RASSF3: variants seen among roughly 807,000 people sequenced by gnomAD.
RASSF3 encodes the protein Ras association domain family member 3.
A neutral mutation model predicts 19.9 loss-of-function variants in RASSF3; 19 were observed. The ratio of observed to expected loss-of-function variants is 0.96; its 90% confidence interval spans 0.67 to 1.40. The LOEUF (loss-of-function observed/expected upper bound fraction) is 1.40. Ranked by LOEUF, RASSF3 falls within the 40% of genes most tolerant of loss-of-function variation. The pLI, the probability that RASSF3 is intolerant of heterozygous loss-of-function variation, is 0.00. For missense variants in RASSF3, 306 were observed against 289.8 expected, an observed-to-expected ratio of 1.06 and a Z score of -0.41; for synonymous variants, 110 against 104.2, an observed-to-expected ratio of 1.06 and a Z score of -0.34.
chr12:64,606,546 A>T (rs970389188), upstream of RASSF3, among the ~76,000 whole-genome samples: 3 of 152,190 alleles, frequency 2.0e-5, no homozygotes, highest in African/African-American at 7.2e-5. Flanking sequence ...AAGTTAATTA[A>T]ATTGTTAAAG....
At chr12:64,627,932 A>G (rs1871047594) in intron 1 of RASSF3, among the ~76,000 whole-genome samples, 1 of 152,202 alleles carries the variant, frequency 6.6e-6, no homozygotes, top group Non-Finnish European at 1.5e-5. Context: ...ATTGGAGGGA[A>G]AGTAACAGCA....
chr12:64,681,071 T>C (rs1565869948), intron 1 of RASSF3, among the ~76,000 whole-genome samples: 2 of 152,218 alleles, frequency 1.3e-5, no homozygotes, highest in African/African-American at 2.4e-5. Context: ...CGAAGGGGCC[T>C]AAGGCTGGGT....
intron 1 of RASSF3, among the ~76,000 whole-genome samples, chr12:64,538,638 G>A (rs1456726890): frequency 2.7e-5 from 4 of 150,686 alleles, no homozygotes; most frequent in Non-Finnish European, 5.9e-5. Context: ...CATGAGCTCT[G>A]TAGAAAACAC....
intron 2 of RASSF3, among the ~76,000 whole-genome samples, chr12:64,573,088 C>T (rs971747936): frequency 4.3e-4 from 65 of 152,090 alleles, no homozygotes; most frequent in African/African-American, 1.5e-3. Flanking sequence ...TATGGTGGCT[C>T]GTGCCTGTAA....
At chr12:64,544,066 C>T (rs1037009632), downstream of RASSF3, among the ~76,000 whole-genome samples, 6 of 152,136 alleles carry the variant, frequency 3.9e-5, no homozygotes, top group African/African-American at 7.2e-5. Context: ...CAGAGCACGC[C>T]TTGGCACCTC....
chr12:64,693,144 CTTT>C (rs71434057), intron 4 of RASSF3, among the ~76,000 whole-genome samples: 2 of 128,748 alleles, frequency 1.6e-5, no homozygotes, highest in Admixed American at 7.8e-5. Context: ...CCATGTTGCT[CTTT>C]TTTTTTTTTT....
At chr12:64,539,656 G>A (rs1398802010) in intron 1 of RASSF3, among the ~76,000 whole-genome samples, 1 of 152,156 alleles carries the variant, frequency 6.6e-6, no homozygotes, top group East Asian at 1.9e-4. Context: ...TATGCCTGTA[G>A]TCACAGCTAC....
At chr12:64,627,313 G>A (rs557620756) in intron 1 of RASSF3, among the ~76,000 whole-genome samples, 2 of 152,188 alleles carry the variant, frequency 1.3e-5, no homozygotes, top group East Asian at 3.9e-4. Flanking sequence ...TTGTGTTTGG[G>A]GACTTGAACA....
At chr12:64,692,875 C>T (rs950862834) in intron 4 of RASSF3, among the ~76,000 whole-genome samples, 1 of 152,092 alleles carries the variant, frequency 6.6e-6, no homozygotes, top group African/African-American at 2.4e-5. Flanking sequence ...CTGCACCTGG[C>T]CTTAACTTAG....
chr12:64,575,643 A>G (rs1869583018), intron 2 of RASSF3: 1 of 152,070 alleles, frequency 6.6e-6, no homozygotes, highest in Non-Finnish European at 1.5e-5. Flanking sequence ...AAAACTAAAG[A>G]TTTTTTTAAA....
At chr12:64,595,224 C>T (rs1004894179) in intron 2 of RASSF3, among the ~76,000 whole-genome samples, 3 of 151,812 alleles carry the variant, frequency 2.0e-5, no homozygotes, top group East Asian at 3.9e-4. Context: ...TGTGCCACCA[C>T]GCCAGGCTAA....
In RASSF3 at chr12:64,610,685, C is replaced by G; in HGVS notation, c.53C>G (p.Thr18Ser). 1.3e-6 allele frequency: 2 copies of G among 1,595,390 alleles called. No individual in the cohort carries two copies. Among genetic ancestry groups the G allele is most frequent in the Non-Finnish European group, 1.7e-6 (2 of 1,172,782 alleles). ...GAGGACGCCGAGGACTTCTTCTTCA[C>G]CGCCAGGACCTCCTTCTTCAGGAGA... ...LEEDAEDFFF[T>S]ARTSFFRRAP... is the part of the protein sequence containing the mutation. The change falls in exon 1 of 5, where the codon ACC (threonine) becomes AGC (serine). Residue 18 changes from threonine to serine, a missense_variant. Thr to Ser is a moderately conservative substitution (Grantham distance 58). Coordinates refer to ENST00000542104, the MANE Select transcript of RASSF3 (RefSeq NM_178169.4).
chr12:64,641,962 G>A (rs866735767), intron 1 of RASSF3, among the ~76,000 whole-genome samples: 116 of 151,980 alleles, frequency 7.6e-4, no homozygotes, highest in African/African-American at 2.7e-3. Flanking sequence ...GGCTGGTCTC[G>A]AACTCCCGAC....
chr12:64,664,732 A>G (rs1872490189), intron 1 of RASSF3, among the ~76,000 whole-genome samples: 1 of 152,170 alleles, frequency 6.6e-6, no homozygotes, highest in Admixed American at 6.5e-5. Context: ...GGCACTTTCC[A>G]AAAAACAAAA....
In RASSF3 at chr12:64,693,164, T is replaced by TTTA. The variant is rs1287006731; in HGVS notation, c.567+1585_567+1586insTTA. 3.3e-5 allele frequency among the ~76,000 whole-genome samples: 5 copies of TTTA among 150,112 alleles called. No individual in the cohort carries two copies. In the East Asian group the frequency reaches 9.7e-4, roughly 29 times the overall value. ...TTGCTCTTTTTTTTTTTTTTTTTTT[T>TTTA]AAATAACCAGCCTAAACTGTTCTCC... On this transcript the variant is annotated intron_variant, in intron 4 of 4. Coordinates refer to ENST00000542104, the MANE Select transcript of RASSF3 (RefSeq NM_178169.4).
chr12:64,650,384 C>T (rs1871899144), intron 1 of RASSF3, among the ~76,000 whole-genome samples: 1 of 150,390 alleles, frequency 6.6e-6, no homozygotes, highest in African/African-American at 2.5e-5. Flanking sequence ...TTGTCCTCAG[C>T]CAGGAGGTGT....
chr12:64,617,570 T>C (rs911369501), intron 1 of RASSF3, among the ~76,000 whole-genome samples: 2 of 152,198 alleles, frequency 1.3e-5, no homozygotes, highest in African/African-American at 2.4e-5. Flanking sequence ...GATTGATTGA[T>C]TGGTTGAGAC....
chr12:64,672,465 T>A (rs1245186), intron 1 of RASSF3, among the ~76,000 whole-genome samples: 47,547 of 151,940 alleles, frequency 0.31, 7,590 homozygotes, highest in Non-Finnish European at 0.36. Context: ...ACCTCAGATG[T>A]TCCACCCACC....
upstream of RASSF3, among the ~76,000 whole-genome samples, chr12:64,605,502 G>A (rs76292975): frequency 6.1e-3 from 924 of 152,194 alleles, 10 homozygotes; most frequent in African/African-American, 0.021. Flanking sequence ...AGAACAGAAC[G>A]TGGCAGAAAT....
Sources: gnomAD v4.1 joint callset for allele counts (sites outside exome capture counted in the v4.1 genomes callset) on GRCh38, gnomAD v4.1.1 for gene constraint, MANE v1.5 for transcripts, NCBI Gene and HGNC (gene_info 2026-07-23, HGNC 2026-07-21) for gene names.